SGCD: variants seen among roughly 807,000 people sequenced by gnomAD.
The protein encoded by SGCD is delta-sarcoglycan.
Under a neutral mutation model 36.6 loss-of-function variants are expected in SGCD, and 18 were observed. The observed-to-expected ratio is 0.49, with a 90% confidence interval of 0.34 to 0.73. The LOEUF is 0.73. SGCD is among the 30% of genes least tolerant of loss of function. The pLI is 0.01. For missense variants in SGCD, 387 were observed against 346.7 expected, an observed-to-expected ratio of 1.12 and a Z score of -0.92; for synonymous variants, 133 against 130.6, an observed-to-expected ratio of 1.02 and a Z score of -0.12.
At chr5:155,877,368 G>T (rs965075488) in intron 1 of SGCD, among the ~76,000 whole-genome samples, 1 of 152,046 alleles carries the variant, frequency 6.6e-6, no homozygotes, top group African/African-American at 2.4e-5. Context: ...AATAGGATTT[G>T]GATGTTAGTT....
intron 3 of SGCD, among the ~76,000 whole-genome samples, chr5:156,125,255 CTCT>C (rs1385446157): frequency 2.0e-5 from 3 of 152,164 alleles, no homozygotes; most frequent in Non-Finnish European, 2.9e-5. Flanking sequence ...GGCATTGGCT[CTCT>C]TCTTCTGGCA....
At chr5:156,724,951 A>G (rs749441177) in intron 7 of SGCD, among the ~76,000 whole-genome samples, 7 of 152,228 alleles carry the variant, frequency 4.6e-5, no homozygotes, top group Non-Finnish European at 4.4e-5. Flanking sequence ...ATGTAAGATG[A>G]TTGAAATTCC....
the SGCD span, among the ~76,000 whole-genome samples, chr5:155,841,010 C>CAAAA: frequency 0.041 from 2,503 of 60,796 alleles, 310 homozygotes; most frequent in African/African-American, 0.12. Flanking sequence ...GACTCCATCT[C>CAAAA]AAAAAAAAAA....
chr5:156,248,161 G>T (rs1394547080), intron 3 of SGCD, among the ~76,000 whole-genome samples: 1 of 152,188 alleles, frequency 6.6e-6, no homozygotes, highest in Non-Finnish European at 1.5e-5. Context: ...GAATGGAATG[G>T]AGAGGAATGG....
At chr5:155,823,003 T>C in the SGCD span, among the ~76,000 whole-genome samples, 3 of 152,138 alleles carry the variant, frequency 2.0e-5, no homozygotes, top group Non-Finnish European at 2.9e-5. Flanking sequence ...CTTGTCTCTG[T>C]CTGTATCTCT....
rs533899753 is a variant in SGCD, at chr5:156,565,641, C to T, written c.295-23590C>T. Among the ~76,000 whole-genome samples the T allele has an allele frequency of 3.6e-4, 55 of 152,246 alleles. No individual in the cohort carries two copies. The South Asian group carries it at 0.011, about 29-fold the overall frequency. ...ATATACGTGCCATGGTGGTTTGCTG[C>T]ACCCATCAGCCCGTCATCTACATTA... On this transcript the variant is annotated intron_variant, in intron 4 of 8. Transcript: ENST00000337851.
At chr5:156,328,753 G>T (rs1194063971) in intron 1 of SGCD, among the ~76,000 whole-genome samples, 1 of 151,120 alleles carries the variant, frequency 6.6e-6, no homozygotes, top group Non-Finnish European at 1.5e-5. Flanking sequence ...TTTCATCTTC[G>T]TGTTGGGGTG....
chr5:156,195,452 A>G (rs774411448), intron 3 of SGCD, among the ~76,000 whole-genome samples: 3 of 152,194 alleles, frequency 2.0e-5, no homozygotes, highest in Non-Finnish European at 4.4e-5. Context: ...TCAGAAGTCA[A>G]CTTTTTTGTA....
intron 3 of SGCD, among the ~76,000 whole-genome samples, chr5:156,402,866 A>G (rs1772227252): frequency 6.6e-6 from 1 of 152,106 alleles, no homozygotes; most frequent in African/African-American, 2.4e-5. Flanking sequence ...GCGTTCCCCA[A>G]AGACATGGTT....
At chr5:156,025,788 C>T (rs1759214712) in intron 1 of SGCD, among the ~76,000 whole-genome samples, 1 of 152,150 alleles carries the variant, frequency 6.6e-6, no homozygotes, top group South Asian at 2.1e-4. Context: ...CGGGAAAGAG[C>T]ACATTCAGAA....
chr5:156,214,490 T>C (rs2127642543), intron 3 of SGCD, among the ~76,000 whole-genome samples: 1 of 152,144 alleles, frequency 6.6e-6, no homozygotes, highest in South Asian at 2.1e-4. Context: ...ATATGTCGTG[T>C]TTATGGATTG....
rs139309355 is a variant in SGCD, at chr5:156,534,996, G to C, written c.294+26294G>C. On this transcript the variant is annotated intron_variant, in intron 4 of 8. Coordinates refer to ENST00000337851, the MANE Select transcript of SGCD (RefSeq NM_000337.6). ...TATTCATCTCCATTTATTAATTCCA[G>C]TTGCAATGCTCAGTTGACTCATTTT... Among the ~76,000 whole-genome samples the C allele has an allele frequency of 2.3e-4, 35 of 152,266 alleles. No homozygotes were observed. The East Asian group carries it at 6.2e-3, about 27-fold the overall frequency.
the SGCD span, among the ~76,000 whole-genome samples, chr5:155,805,303 T>C: frequency 2.0e-5 from 3 of 152,204 alleles, no homozygotes; most frequent in East Asian, 3.9e-4. Flanking sequence ...GCAAATGTGA[T>C]AGGTAGAAAG....
At chr5:156,687,403 TCTGAAAACCA>T (rs1753941568) in intron 7 of SGCD, among the ~76,000 whole-genome samples, 1 of 152,138 alleles carries the variant, frequency 6.6e-6, no homozygotes, top group African/African-American at 2.4e-5. Flanking sequence ...TCTTTTCCTC[TCTGAAAACCA>T]CTTGGCAAGG....
intron 2 of SGCD, among the ~76,000 whole-genome samples, chr5:156,342,305 A>C (rs1409951691): frequency 6.6e-6 from 1 of 152,230 alleles, no homozygotes; most frequent in Non-Finnish European, 1.5e-5. Flanking sequence ...ATTTGTAAAG[A>C]ATTTCTCACT....
At chr5:155,799,728 C>G in the SGCD span, among the ~76,000 whole-genome samples, 1 of 143,326 alleles carries the variant, frequency 7.0e-6, no homozygotes, top group Non-Finnish European at 1.5e-5. Context: ...CTTTTATTTC[C>G]TTTTTTTTTT....
the SGCD span, among the ~76,000 whole-genome samples, chr5:155,858,952 T>TTC: frequency 2.0e-5 from 3 of 151,754 alleles, no homozygotes; most frequent in African/African-American, 7.3e-5. Context: ...GTTTTTTTTT[T>TTC]TCTCTCTCAT....
At chr5:156,371,709 T>C (rs573690936) in intron 3 of SGCD, among the ~76,000 whole-genome samples, 1 of 152,316 alleles carries the variant, frequency 6.6e-6, no homozygotes, top group African/African-American at 2.4e-5. Flanking sequence ...TTACAGAGAC[T>C]TTGAGTTGTC....
chr5:155,873,045 C>T (rs985020806), intron 1 of SGCD, among the ~76,000 whole-genome samples: 2 of 152,296 alleles, frequency 1.3e-5, no homozygotes. Context: ...TTACCCTGGA[C>T]AAAGGCACAA....
Sources: gnomAD v4.1 joint callset for allele counts (sites outside exome capture counted in the v4.1 genomes callset) on GRCh38, gnomAD v4.1.1 for gene constraint, MANE v1.5 for transcripts, NCBI Gene and HGNC (gene_info 2026-07-23, HGNC 2026-07-21) for gene names.